AUTS2: variants seen among roughly 807,000 people sequenced by gnomAD.
AUTS2 encodes the protein activator of transcription and developmental regulator AUTS2, also known as autism susceptibility gene 2 protein.
Under a neutral mutation model 112.4 loss-of-function variants are expected in AUTS2, and 17 were observed. The observed-to-expected ratio is 0.15, with a 90% CI of 0.10 to 0.23. AUTS2 has a LOEUF of 0.23. Among genes scored for constraint, AUTS2 ranks in the 10% least tolerant of loss-of-function variants. The pLI is 1.00. For missense variants in AUTS2, 1,510 were observed against 1,701.6 expected (o/e 0.89, Z 1.98); for synonymous variants, 751 against 702.7 (o/e 1.07, Z -1.09).
rs566149152 is a variant in AUTS2, at chr7:70,433,940, T to C, written c.661-1812T>C. On this transcript the variant is annotated intron_variant, in intron 4 of 18. Transcript: ENST00000342771. ...AACAATAAGGTAACTTAGTGTTTTC[T>C]GAATAAAAGTCCTGAGGCAGGCTGC... Among the ~76,000 whole-genome samples, 10 of 152,362 alleles carry C rather than the reference T, an allele frequency of 6.6e-5. No homozygotes were observed. The South Asian group carries it at 2.1e-3, about 32-fold the overall frequency.
At chr7:70,367,498 G>T (rs1792633978) in intron 4 of AUTS2, among the ~76,000 whole-genome samples, 1 of 151,648 alleles carries the variant, frequency 6.6e-6, no homozygotes, top group Non-Finnish European at 1.5e-5. Context: ...GGAGCTTGCA[G>T]TGAGCTGAGA....
At chr7:70,496,580 C>T (rs1215003333) in intron 5 of AUTS2, among the ~76,000 whole-genome samples, 8 of 112,778 alleles carry the variant, frequency 7.1e-5, no homozygotes, top group Admixed American at 9.4e-5. Context: ...CACATGCACA[C>T]GTCACATCAG....
chr7:70,214,681 T>C (rs1488089434), intron 4 of AUTS2, among the ~76,000 whole-genome samples: 1 of 152,214 alleles, frequency 6.6e-6, no homozygotes, highest in Non-Finnish European at 1.5e-5. Flanking sequence ...AGTACCTTTT[T>C]TTAAATTCGT....
chr7:70,063,157 A>G (rs1272082235), intron 2 of AUTS2, among the ~76,000 whole-genome samples: 1 of 152,064 alleles, frequency 6.6e-6, no homozygotes, highest in African/African-American at 2.4e-5. Context: ...AACATTTCCA[A>G]GTGGGACTTG....
chr7:70,225,076 T>C (rs1417086046), intron 4 of AUTS2, among the ~76,000 whole-genome samples: 1 of 152,222 alleles, frequency 6.6e-6, no homozygotes, highest in East Asian at 1.9e-4. Context: ...TAGTCTTCCT[T>C]GTTAATTGAA....
chr7:70,570,786 A>T (rs1240790968), intron 5 of AUTS2, among the ~76,000 whole-genome samples: 1 of 151,906 alleles, frequency 6.6e-6, no homozygotes. Flanking sequence ...CCCATCTCCC[A>T]TCTGATCTCT....
chr7:70,364,079 G>A (rs1048731069), intron 4 of AUTS2, among the ~76,000 whole-genome samples: 2 of 152,100 alleles, frequency 1.3e-5, no homozygotes, highest in African/African-American at 4.8e-5. Context: ...AGCAGGGTTT[G>A]TGGAAGGGCA....
At chr7:70,776,124 A>G (rs181509025) in intron 13 of AUTS2, among the ~76,000 whole-genome samples, 1 of 152,364 alleles carries the variant, frequency 6.6e-6, no homozygotes, top group African/African-American at 2.4e-5. Context: ...TTTCATTGCA[A>G]GAGAAGAGAA....
rs528455952 is a variant in AUTS2, at chr7:70,454,300, C to T, written c.690+18519C>T. On this transcript the variant is annotated intron_variant, in intron 5 of 18. Transcript: ENST00000342771. ...CTGTAATCCCAACACTTTGGGAGGC[C>T]GAGGCGGGTGGATCACCTGAGGTCA... 6.6e-4 allele frequency among the ~76,000 whole-genome samples: 101 copies of T among 152,122 alleles called. 1 individual carries two copies. The highest frequency in any genetic ancestry group is 1.2e-3 in the Non-Finnish European group (81 of 67,996).
At chr7:70,491,589 T>TTGTGTGTGTGTG (rs71077660) in intron 5 of AUTS2, among the ~76,000 whole-genome samples, 152 of 138,802 alleles carry the variant, frequency 1.1e-3, no homozygotes, top group Non-Finnish European at 1.4e-3. Context: ...TGTATATATA[T>TTGTGTGTGTGTG]TGTGTGTGTG....
chr7:70,239,868 T>C (rs945007645), intron 4 of AUTS2, among the ~76,000 whole-genome samples: 1 of 152,168 alleles, frequency 6.6e-6, no homozygotes, highest in Non-Finnish European at 1.5e-5. Context: ...ATGGAGGAGA[T>C]ACTAAGAAAA....
rs555782169 is a variant in AUTS2 at position 70,254,575 on chromosome 7, G to A, written c.660+120004G>A. ...CTCACTGCTTGCTATCCCAAACACT[G>A]TCCGTTTGTACATGTTCCAATGTCA... is the stretch of plus-strand genomic sequence containing the variant. On this transcript the variant is annotated intron_variant, in intron 4 of 18. Coordinates refer to ENST00000342771, the MANE Select transcript of AUTS2 (RefSeq NM_015570.4). Among the ~76,000 whole-genome samples the A allele has an allele frequency of 1.2e-3, 185 of 152,218 alleles. 1 individual carries two copies. Among genetic ancestry groups the A allele is most frequent in the African/African-American group, 4.2e-3 (174 of 41,550 alleles).
In AUTS2 at chr7:70,643,070, G is replaced by A. The variant is rs189638761; in HGVS notation, c.691-55499G>A. Among the ~76,000 whole-genome samples, 346 of 152,242 alleles carry A rather than the reference G, an allele frequency of 2.3e-3. 1 individual carries two copies. Among genetic ancestry groups the A allele is most frequent in the African/African-American group, 8.0e-3 (332 of 41,534 alleles). Reference sequence around the variant, plus strand: ...ATTCCCGTCTCCTCATCTTCATTTTGTCTCTCTAACAATTCTCAGATCATT... The same window carrying A: ...ATTCCCGTCTCCTCATCTTCATTTTATCTCTCTAACAATTCTCAGATCATT... On this transcript the variant is annotated intron_variant, in intron 5 of 18. Transcript: ENST00000342771.
chr7:70,164,414 A>C (rs1490763532), intron 4 of AUTS2, among the ~76,000 whole-genome samples: 2 of 152,150 alleles, frequency 1.3e-5, no homozygotes, highest in Non-Finnish European at 2.9e-5. Context: ...TTTAGTCATT[A>C]TATCTCCTCA....
At chr7:69,891,071 C>T (rs1398625589) in intron 1 of AUTS2, among the ~76,000 whole-genome samples, 4 of 152,084 alleles carry the variant, frequency 2.6e-5, no homozygotes, top group Non-Finnish European at 5.9e-5. Flanking sequence ...CCCATGAAAC[C>T]ACTGCCACAA....
At chr7:70,660,878 T>C (rs1374880599) in intron 5 of AUTS2, among the ~76,000 whole-genome samples, 1 of 152,190 alleles carries the variant, frequency 6.6e-6, no homozygotes, top group African/African-American at 2.4e-5. Flanking sequence ...ACTAAAGGCC[T>C]ACTATGTGCC....
At chr7:70,421,252 A>G (rs1312545953) in intron 4 of AUTS2, among the ~76,000 whole-genome samples, 1 of 152,190 alleles carries the variant, frequency 6.6e-6, no homozygotes, top group Non-Finnish European at 1.5e-5. Flanking sequence ...AGGTATTTAG[A>G]AAATATTAAT....
intron 5 of AUTS2, among the ~76,000 whole-genome samples, chr7:70,458,924 C>A (rs746980517): frequency 1.3e-5 from 2 of 152,180 alleles, no homozygotes; most frequent in African/African-American, 4.8e-5. Context: ...GATCTCAGGG[C>A]CATGGACAGT....
At chr7:70,674,185 G>T (rs1377023227) in intron 5 of AUTS2, among the ~76,000 whole-genome samples, 2 of 152,186 alleles carry the variant, frequency 1.3e-5, no homozygotes, top group Non-Finnish European at 2.9e-5. Flanking sequence ...GGGGAGGGGG[G>T]CCCTGAGAAA....
Sources: allele counts gnomAD v4.1 joint callset (sites outside exome capture counted in the v4.1 genomes callset), GRCh38; gene constraint gnomAD v4.1.1; transcripts MANE v1.5; gene names NCBI Gene and HGNC (gene_info 2026-07-23, HGNC 2026-07-21).